LRMDA: variants seen among roughly 807,000 people sequenced by gnomAD.
The protein encoded by LRMDA is leucine rich melanocyte differentiation associated.
Under a neutral mutation model 29.8 loss-of-function variants are expected in LRMDA, and 18 were observed. That is an observed-to-expected ratio of 0.60 (90% CI 0.42 to 0.90). The LOEUF (loss-of-function observed/expected upper bound fraction) is 0.90, where lower values mean the gene tolerates loss of function less well. LRMDA is among the 40% of genes least tolerant of loss of function. The pLI is 0.00. For synonymous variants in LRMDA, 125 were observed against 109.4 expected, an observed-to-expected ratio of 1.14 and a Z score of -0.89; for missense variants, 273 against 273.9, an observed-to-expected ratio of 1.00 and a Z score of 0.02.
At chr10:76,115,918 C>T (rs538198837) in intron 5 of LRMDA, among the ~76,000 whole-genome samples, 1 of 152,054 alleles carries the variant, frequency 6.6e-6, no homozygotes, top group African/African-American at 2.4e-5. Flanking sequence ...CAGAGATCAT[C>T]GTGGGAATGG....
chr10:75,882,167 A>G (rs1321662095), intron 2 of LRMDA, among the ~76,000 whole-genome samples: 1 of 152,238 alleles, frequency 6.6e-6, no homozygotes, highest in Non-Finnish European at 1.5e-5. Context: ...TGTTGAAGGA[A>G]GACGGGCAAA....
intron 6 of LRMDA, among the ~76,000 whole-genome samples, chr10:76,337,606 G>A (rs1840985219): frequency 6.6e-6 from 1 of 152,114 alleles, no homozygotes; most frequent in Admixed American, 6.5e-5. Context: ...TAGGGGGAGA[G>A]TGGTAGATGA....
chr10:76,374,700 G>A (rs1468093177), intron 6 of LRMDA, among the ~76,000 whole-genome samples: 1 of 152,158 alleles, frequency 6.6e-6, no homozygotes, highest in East Asian at 1.9e-4. Flanking sequence ...TGATTCACAG[G>A]TTGCAGTTAA....
intron 5 of LRMDA, among the ~76,000 whole-genome samples, chr10:76,303,211 C>CT (rs34865373): frequency 0.029 from 3,765 of 131,438 alleles, 121 homozygotes; most frequent in African/African-American, 0.075. Flanking sequence ...ACACTCCTCC[C>CT]TTTTTTTTTT....
intron 2 of LRMDA, among the ~76,000 whole-genome samples, chr10:75,496,264 C>T (rs1845043674): frequency 6.6e-6 from 1 of 152,134 alleles, no homozygotes; most frequent in South Asian, 2.1e-4. Flanking sequence ...TTCAAATCCT[C>T]TTGCTAGATG....
intron 5 of LRMDA, among the ~76,000 whole-genome samples, chr10:76,177,402 A>AC (rs1850958950): frequency 7.1e-6 from 1 of 140,836 alleles, no homozygotes. Flanking sequence ...TAAAAAAGAC[A>AC]AAAAAAAAAC....
intron 6 of LRMDA, among the ~76,000 whole-genome samples, chr10:76,506,451 T>A (rs1175504105): frequency 6.6e-6 from 1 of 152,150 alleles, no homozygotes; most frequent in East Asian, 1.9e-4. Context: ...AGAAGCCATA[T>A]CTGTATCCCA....
chr10:75,843,235 G>A (rs891094388), intron 2 of LRMDA, among the ~76,000 whole-genome samples: 2 of 152,244 alleles, frequency 1.3e-5, no homozygotes, highest in Non-Finnish European at 2.9e-5. Context: ...TATGGACACA[G>A]CTACTAAATA....
chr10:75,896,198 TG>T (rs1845578384), intron 2 of LRMDA, among the ~76,000 whole-genome samples: 1 of 152,170 alleles, frequency 6.6e-6, no homozygotes, highest in African/African-American at 2.4e-5. Context: ...AGTACTTTGG[TG>T]TTAGTGGGTG....
chr10:75,654,528 T>C (rs561398493), intron 2 of LRMDA, among the ~76,000 whole-genome samples: 53 of 152,344 alleles, frequency 3.5e-4, no homozygotes, highest in African/African-American at 1.3e-3. Context: ...CCTTAATACC[T>C]GGAGTATTTC....
chr10:76,239,931 T>C (rs897991581), intron 5 of LRMDA, among the ~76,000 whole-genome samples: 2 of 151,960 alleles, frequency 1.3e-5, no homozygotes, highest in Admixed American at 1.3e-4. Flanking sequence ...ATATATAATG[T>C]ATATATACAT....
Position 76,552,266 on chromosome 10 carries a change from G to A in LRMDA, c.602-4943G>A, listed in dbSNP as rs114127542. ...GCTGGGCTTTAGTTCTGTTGAATAC[G>A]GAGTTATGAGACTTGGGCTTATGCC... is the stretch of plus-strand genomic sequence containing the variant. On this transcript the variant is annotated intron_variant, in intron 6 of 6. Transcript: ENST00000611255. Among the ~76,000 whole-genome samples the A allele has an allele frequency of 3.8e-3, 574 of 152,336 alleles. 3 individuals carry two copies. Among genetic ancestry groups the A allele is most frequent in the African/African-American group, 0.013 (527 of 41,582 alleles).
intron 6 of LRMDA, among the ~76,000 whole-genome samples, chr10:76,536,619 C>A (rs1206337620): frequency 1.3e-5 from 2 of 152,076 alleles, no homozygotes; most frequent in Admixed American, 6.5e-5. Context: ...TCTGAACATT[C>A]CCTCATGGTT....
chr10:75,821,283 GA>G (rs1260890511), intron 2 of LRMDA, among the ~76,000 whole-genome samples: 1 of 152,140 alleles, frequency 6.6e-6, no homozygotes, highest in Non-Finnish European at 1.5e-5. Context: ...CTAGCAAACT[GA>G]ATCCAATAGC....
At chr10:76,336,943 A>C (rs1050223516) in intron 6 of LRMDA, among the ~76,000 whole-genome samples, 1 of 150,018 alleles carries the variant, frequency 6.7e-6, no homozygotes, top group Middle Eastern at 3.2e-3. Flanking sequence ...ATTTCTCCCC[A>C]CCCCCCTTTT....
At chr10:75,811,108 G>C (rs1375145286) in intron 2 of LRMDA, among the ~76,000 whole-genome samples, 2 of 152,034 alleles carry the variant, frequency 1.3e-5, no homozygotes, top group African/African-American at 2.4e-5. Context: ...ATTCCTTATT[G>C]GATAAATACA....
At chr10:75,493,749 A>G (rs1272476016) in intron 2 of LRMDA, among the ~76,000 whole-genome samples, 1 of 152,112 alleles carries the variant, frequency 6.6e-6, no homozygotes, top group East Asian at 1.9e-4. Context: ...AATTATTTCA[A>G]GGAAGCTTTC....
intron 5 of LRMDA, among the ~76,000 whole-genome samples, chr10:76,093,259 A>G (rs574150190): frequency 6.6e-6 from 1 of 151,772 alleles, no homozygotes; most frequent in South Asian, 2.1e-4. Context: ...GCTGGTCTTG[A>G]ACTCCTGAGC....
chr10:76,343,835 T>A (rs1841070898), intron 6 of LRMDA, among the ~76,000 whole-genome samples: 1 of 133,006 alleles, frequency 7.5e-6, no homozygotes. Context: ...TTTTTTTTTG[T>A]GAGATGGAAT....
Sources: allele counts gnomAD v4.1 joint callset (sites outside exome capture counted in the v4.1 genomes callset), GRCh38; gene constraint gnomAD v4.1.1; transcripts MANE v1.5; gene names NCBI Gene and HGNC (gene_info 2026-07-23, HGNC 2026-07-21).